Variants in CHD8 observed in about 807,000 individuals in gnomAD.
CHD8 encodes the protein chromodomain helicase DNA binding protein 8.
A neutral mutation model predicts 279.2 loss-of-function variants in CHD8; 31 were observed. That is an observed-to-expected ratio of 0.11 (90% CI 0.08 to 0.15). The LOEUF (loss-of-function observed/expected upper bound fraction) is 0.15. Ranked by LOEUF, CHD8 falls within the 10% of genes least tolerant of loss-of-function variation. The pLI is 1.00. For missense variants in CHD8, 2,146 were observed against 3,230.5 expected (o/e 0.66, Z 8.14); for synonymous variants, 1,081 against 1,139.6 (o/e 0.95, Z 1.04).
At chr14:21,401,354 A>G (rs1439720747) in intron 21 of CHD8, 49 bp downstream of exon 21, 2 of 1,129,586 alleles carry the variant, frequency 1.8e-6, no homozygotes, top group East Asian at 2.5e-5. Flanking sequence ...AGACTCCCGA[A>G]AGTAGTGTGG....
intron 1 of CHD8, among the ~76,000 whole-genome samples, chr14:21,440,854 G>A (rs574770740): frequency 6.6e-6 from 1 of 152,114 alleles, no homozygotes; most frequent in Non-Finnish European, 1.5e-5. Flanking sequence ...CTGGCTCTAG[G>A]GGGTGAGAGG....
At chr14:21,414,077 G>A (rs1888619493) in intron 9 of CHD8, 1 of 463,170 alleles carries the variant, frequency 2.2e-6, no homozygotes, top group Non-Finnish European at 3.9e-6. Context: ...GTGCATTGAG[G>A]AAATCAGTTT....
chr14:21,408,234 T>A lies in CHD8; in HGVS notation c.2730+78A>T. 6.6e-7 allele frequency: 1 copy of A among 1,508,084 alleles called. No homozygotes were observed. The highest frequency in any genetic ancestry group is 8.9e-7 in the Non-Finnish European group (1 of 1,118,910). The allele number at this position is 1,508,084 out of a possible 1,614,324, so 93.4% of individuals were successfully genotyped here. ...AAGACTTTCAATAAAAGTCTTCTATTCATATATAGCCCTTAAAATACCAGG... is the reference window on the plus strand; with the variant it reads ...AAGACTTTCAATAAAAGTCTTCTATACATATATAGCCCTTAAAATACCAGG... On this transcript the variant is annotated intron_variant, in intron 13 of 37. Coordinates refer to ENST00000646647, the MANE Select transcript of CHD8 (RefSeq NM_001170629.2). The surrounding 1 kb of genome is among the most constrained non-coding windows in gnomAD (Gnocchi z 4.3).
chr14:21,391,206 G>A, intron 36 of CHD8, 143 bp from the exon 37 acceptor site: 1 of 707,558 alleles, frequency 1.4e-6, no homozygotes. Context: ...CCATTAAGTG[G>A]GATCTCTCCA....
chr14:21,412,567 T>G (rs967308777), intron 10 of CHD8, among the ~76,000 whole-genome samples: 2 of 152,132 alleles, frequency 1.3e-5, no homozygotes, highest in African/African-American at 4.8e-5. Flanking sequence ...ATTTTTATAT[T>G]CACAAATTTA....
chr14:21,408,877 A>C lies in CHD8; in HGVS notation c.2365-52T>G. The C allele has an allele frequency of 1.9e-6, 3 of 1,558,868 alleles. No individual in the cohort carries two copies. The highest frequency in any genetic ancestry group is 2.6e-6 in the Non-Finnish European group (3 of 1,148,148). On this transcript the variant is annotated intron_variant, in intron 11 of 37. Coordinates refer to ENST00000646647, the MANE Select transcript of CHD8 (RefSeq NM_001170629.2). The surrounding 1 kb of genome is among the most constrained non-coding windows in gnomAD (Gnocchi z 4.3). Reference sequence around the variant, plus strand: ...GGAGTGGAGACATTATCAAAAGGTAAGACTTACTAGGTAAGTTCTAATAGT... The same window carrying C: ...GGAGTGGAGACATTATCAAAAGGTACGACTTACTAGGTAAGTTCTAATAGT...
rs373202159 is a variant in CHD8 at position 21,393,305 on chromosome 14, A to T, written c.6320-51T>A. ...TGAGAAAAGATGGAAGAATAATGTCATATGGTAATGGTATTATATGGGCTT... is the reference window on the plus strand; with the variant it reads ...TGAGAAAAGATGGAAGAATAATGTCTTATGGTAATGGTATTATATGGGCTT... On this transcript the variant is annotated intron_variant, in intron 32 of 37. Coordinates refer to ENST00000646647, the MANE Select transcript of CHD8 (RefSeq NM_001170629.2). The T allele has an allele frequency of 9.9e-6, 16 of 1,608,112 alleles. No homozygotes were observed. In the Admixed American group the frequency reaches 1.5e-4, roughly 15 times the overall value.
chr14:21,400,191 C>T lies in CHD8; in HGVS notation c.4687G>A (p.Asp1563Asn), dbSNP rs1315436517. The change falls in exon 24 of 38, where the codon GAT becomes AAT. Residue 1563 changes from aspartate (D) to asparagine (N), a missense_variant. Coordinates refer to ENST00000646647, the MANE Select transcript of CHD8 (RefSeq NM_001170629.2). This position sits in a 1 kb window ranked among gnomAD's most constrained non-coding sequence, Gnocchi z 4.2. ...RKYNPDTLFQ[D>N]ESYKKHLKHQ... ...TTCAAGTGCTTCTTATAACTTTCAT[C>T]TTGGAACAAAGTGTCAGGGTTATAT... 6 of 1,613,928 alleles carry T rather than the reference C, an allele frequency of 3.7e-6. No individual in the cohort carries two copies. Among genetic ancestry groups the T allele is most frequent in the Non-Finnish European group, 5.1e-6 (6 of 1,179,874 alleles).
intron 5 of CHD8, among the ~76,000 whole-genome samples, chr14:21,423,794 C>T (rs1245779993): frequency 6.6e-6 from 1 of 152,136 alleles, no homozygotes; most frequent in Non-Finnish European, 1.5e-5. Context: ...GTTATATGTG[C>T]TTTATAAATG....
Position 21,408,903 on chromosome 14 carries a change from T to C in CHD8, c.2365-78A>G. 1 of 1,382,066 alleles carries C rather than the reference T, an allele frequency of 7.2e-7. No homozygotes were observed. Among genetic ancestry groups the C allele is most frequent in the Non-Finnish European group, 9.9e-7 (1 of 1,013,692 alleles). 85.6% of individuals were successfully genotyped at this position (1,382,066 alleles called of 1,614,324 possible). ...GACTTACTAGGTAAGTTCTAATAGT[T>C]AAAATCAATTCAAAACAACATTGTT... On this transcript the variant is annotated intron_variant, in intron 11 of 37. Coordinates refer to ENST00000646647, the MANE Select transcript of CHD8 (RefSeq NM_001170629.2). The surrounding 1 kb of genome is among the most constrained non-coding windows in gnomAD (Gnocchi z 4.3).
chr14:21,430,840 T>TGGG lies in CHD8; in HGVS notation c.801_803dup (p.Pro268dup). ...AGGTCAGTGTAACTGCAGGCTTCAG[T>TGGG]GGGGGCCCTGTGGCCCCAGGGTTTC... is the stretch of plus-strand genomic sequence containing the variant. On this transcript the variant is annotated inframe_insertion, in exon 2 of 38. Transcript: ENST00000646647. 1 of 1,599,120 alleles carries TGGG rather than the reference T, an allele frequency of 6.3e-7. No homozygotes were observed. The highest frequency in any genetic ancestry group is 8.5e-7 in the Non-Finnish European group (1 of 1,179,588).
intron 9 of CHD8, 108 bp from the exon 10 acceptor site, chr14:21,413,104 A>G (rs1888570959): frequency 1.4e-6 from 1 of 716,126 alleles, no homozygotes; most frequent in East Asian, 2.7e-5. Flanking sequence ...TTTTTAAAGA[A>G]ATTAGAAGCT....
Position 21,394,193 on chromosome 14 carries a change from G to C in CHD8, c.5602C>G (p.Pro1868Ala), listed in dbSNP as rs1325133099. ...CRLPPAAGDE[P>A]PDPNLFIEPI... ...TCAATGAACAGGTTAGGGTCGGGGG[G>C]TTCTGCAAGAGACAGGAGTAGAAGA... The change falls in exon 32 of 38, where the codon CCC becomes GCC. Residue 1868 changes from proline (P) to alanine (A), a missense_variant and splice_region_variant. This residue lies in a region of CHD8 where 513 missense variants were observed against 637.6 expected (regional missense o/e 0.80). Coordinates refer to ENST00000646647, the MANE Select transcript of CHD8 (RefSeq NM_001170629.2). 2 of 1,607,322 alleles carry C rather than the reference G, an allele frequency of 1.2e-6. No homozygotes were observed. The highest frequency in any genetic ancestry group is 8.5e-7 in the Non-Finnish European group (1 of 1,175,226).
chr14:21,443,607 C>T (rs1206048538), intron 1 of CHD8, among the ~76,000 whole-genome samples: 1 of 151,968 alleles, frequency 6.6e-6, no homozygotes, highest in Admixed American at 6.6e-5. Flanking sequence ...GTAATCCCAG[C>T]ACTTTGGGAG....
intron 1 of CHD8, among the ~76,000 whole-genome samples, chr14:21,442,554 G>A (rs1488251616): frequency 2.0e-5 from 3 of 150,826 alleles, no homozygotes; most frequent in South Asian, 2.1e-4. Flanking sequence ...CAGGAGGATC[G>A]CTTAAGGCTT....
chr14:21,437,776 A>G (rs1889848945), intron 1 of CHD8, among the ~76,000 whole-genome samples: 1 of 152,124 alleles, frequency 6.6e-6, no homozygotes, highest in Non-Finnish European at 1.5e-5. Context: ...GCCACAACAC[A>G]TAAGGTTGCC....
rs1888211966 is a variant in CHD8, at chr14:21,405,282, A to G, written c.3234T>C (p.His1078=). ...TGTTAAGTAGATTAGGCATGTTGGT[A>G]TGACCTGCCCCTTTGGAAAGGAAGG... ...NFSFLSKGAG[H]TNMPNLLNTM... Residue 1078 remains histidine (H), a synonymous_variant, in exon 16 of 38, where the codon CAT becomes CAC. Transcript: ENST00000646647. The surrounding 1 kb of genome is among the most constrained non-coding windows in gnomAD (Gnocchi z 4.2). The G allele has an allele frequency of 6.2e-7, 1 of 1,612,844 alleles. No homozygotes were observed. The highest frequency in any genetic ancestry group is 1.3e-5 in the African/African-American group (1 of 74,922).
chr14:21,412,344 C>T (rs1275182309), intron 10 of CHD8, among the ~76,000 whole-genome samples: 1 of 152,044 alleles, frequency 6.6e-6, no homozygotes, highest in Non-Finnish European at 1.5e-5. Flanking sequence ...CGGGGTTTCA[C>T]TATGTTGGCC....
intron 36 of CHD8, 106 bp from the exon 37 acceptor site, chr14:21,391,169 T>C: frequency 1.2e-6 from 1 of 810,770 alleles, no homozygotes; most frequent in African/African-American, 1.7e-5. Flanking sequence ...ATTACATAGA[T>C]AAAGGATTCA....
Sources: gnomAD v4.1 joint callset for allele counts (sites outside exome capture counted in the v4.1 genomes callset) on GRCh38, gnomAD v4.1.1 for gene constraint, gnomAD v4.1.1 regional missense constraint, Gnocchi (gnomAD v3.1) non-coding constraint, MANE v1.5 for transcripts, NCBI Gene and HGNC (gene_info 2026-07-23, HGNC 2026-07-21) for gene names.